NT5C1B: variants seen among roughly 807,000 people sequenced by gnomAD.
NT5C1B encodes the protein 5'-nucleotidase, cytosolic IB, also known as cytosolic 5'-nucleotidase 1B.
A neutral mutation model predicts 57.8 loss-of-function variants in NT5C1B; 44 were observed. That is an observed-to-expected ratio of 0.76 (90% CI 0.60 to 0.98). NT5C1B has a LOEUF of 0.98. NT5C1B is among the 50% of genes least tolerant of loss of function. The pLI is 0.00. For synonymous variants in NT5C1B, 284 were observed against 282.6 expected (o/e 1.00, Z -0.05); for missense variants, 742 against 719.5 (o/e 1.03, Z -0.36).
Position 18,576,701 on chromosome 2 carries a change from T to C in NT5C1B, c.1144+72A>G, listed in dbSNP as rs113647909. 6.1e-3 allele frequency: 9,677 copies of C among 1,586,794 alleles called. 59 individuals are homozygous for C. Among genetic ancestry groups the C allele is most frequent in the Non-Finnish European group, 6.7e-3 (7,831 of 1,170,290 alleles). Reference sequence around the variant, plus strand: ...CAAGACCATAAGCCTCATAATCATATGCGAAACTTAATGTAAGTCACCATT... The same window carrying C: ...CAAGACCATAAGCCTCATAATCATACGCGAAACTTAATGTAAGTCACCATT... On this transcript the variant is annotated intron_variant, in intron 7 of 8. Transcript: ENST00000304081.
At position 18,580,956 on chromosome 2, in the gene NT5C1B, C is replaced by T. The variant is rs188289346; in HGVS notation, c.1021+1912G>A. ...CTACTTGAGGGTGGAGGGTGGGAGG[C>T]GGATGAGGATTGAAAAACTACCTAT... is the stretch of plus-strand genomic sequence containing the variant. On this transcript the variant is annotated intron_variant, in intron 6 of 8. Coordinates refer to ENST00000304081, the Ensembl canonical transcript of NT5C1B. Among the ~76,000 whole-genome samples, 8 of 152,128 alleles carry T rather than the reference C, an allele frequency of 5.3e-5. No individual in the cohort carries two copies. The East Asian group carries it at 1.2e-3, about 22-fold the overall frequency.
At chr2:18,576,931 G>T (rs747249789) in intron 6 of NT5C1B, 36 bp from the exon 7 acceptor site, 2 of 1,609,236 alleles carry the variant, frequency 1.2e-6, no homozygotes, top group Admixed American at 1.7e-5. Context: ...TTATGACAGA[G>T]ATTAAAGACA....
At chr2:18,571,463 TG>T (rs1191709580) in intron 8 of NT5C1B, among the ~76,000 whole-genome samples, 1 of 151,622 alleles carries the variant, frequency 6.6e-6, no homozygotes, top group Admixed American at 6.6e-5. Context: ...ATGTAATATC[TG>T]TGTGCTAAAA....
intron 3 of NT5C1B, 127 bp downstream of exon 3, chr2:18,586,127 C>T (rs898470137): frequency 7.8e-6 from 11 of 1,415,170 alleles, no homozygotes; most frequent in Non-Finnish European, 1.0e-5. Flanking sequence ...AGGGAGTTCT[C>T]CCAAGGGCTA....
At chr2:18,586,655 C>A in intron 2 of NT5C1B, 1 of 589,930 alleles carries the variant, frequency 1.7e-6, no homozygotes, top group Non-Finnish European at 2.9e-6. Flanking sequence ...TTCACTGTGA[C>A]TCCTCTTATG....
rs1316511390 is a variant in NT5C1B at position 18,571,748 on chromosome 2, A to G, written c.1329+4436T>C. On this transcript the variant is annotated intron_variant, in intron 8 of 8. Coordinates refer to ENST00000304081, the Ensembl canonical transcript of NT5C1B. ...TATATATATATATATATATATATATATATATATATATATATATGTTAATTT... is the reference window on the plus strand; with the variant it reads ...TATATATATATATATATATATATATGTATATATATATATATATGTTAATTT... Among the ~76,000 whole-genome samples the G allele has an allele frequency of 1.8e-4, 15 of 83,532 alleles. 1 individual carries two copies. The highest frequency in any genetic ancestry group is 1.0e-3 in the African/African-American group (14 of 13,816). The allele number at this position is 83,532 out of a possible 152,430, so 54.8% of individuals were successfully genotyped here.
chr2:18,571,718 G>GTGTGTA (rs1246189018), intron 8 of NT5C1B, among the ~76,000 whole-genome samples: 17 of 111,456 alleles, frequency 1.5e-4, no homozygotes, highest in African/African-American at 3.5e-4. Flanking sequence ...CTGTGTGTGT[G>GTGTGTA]TATATATATA....
chr2:18,571,344 C>A (rs1199250142), intron 8 of NT5C1B, among the ~76,000 whole-genome samples: 1 of 151,966 alleles, frequency 6.6e-6, no homozygotes, highest in Admixed American at 6.6e-5. Context: ...ATACAAAAAC[C>A]AATTGTGATT....
At chr2:18,583,957 C>T (rs1443508339) in intron 5 of NT5C1B, 131 bp downstream of exon 5, 1 of 1,528,370 alleles carries the variant, frequency 6.5e-7, no homozygotes, top group Non-Finnish European at 9.0e-7. Flanking sequence ...CCTGGGTCAG[C>T]TAGAAGGAGA....
At chr2:18,573,960 A>G (rs1357441942) in intron 8 of NT5C1B, among the ~76,000 whole-genome samples, 3 of 152,262 alleles carry the variant, frequency 2.0e-5, no homozygotes, top group South Asian at 2.1e-4. Context: ...CAATTTAAGG[A>G]GCAAAATAAG....
intron 8 of NT5C1B, among the ~76,000 whole-genome samples, chr2:18,567,808 A>C (rs564820628): frequency 6.6e-6 from 1 of 152,312 alleles, no homozygotes; most frequent in South Asian, 2.1e-4. Flanking sequence ...CACAAATATA[A>C]CAGAGGGAAT....
intron 1 of NT5C1B, among the ~76,000 whole-genome samples, chr2:18,588,089 T>G (rs1666886906): frequency 6.6e-6 from 1 of 152,174 alleles, no homozygotes; most frequent in Non-Finnish European, 1.5e-5. Context: ...TCATACAAAT[T>G]TATTGAAAGT....
chr2:18,581,358 A>G (rs950380628), intron 6 of NT5C1B, among the ~76,000 whole-genome samples: 3 of 152,218 alleles, frequency 2.0e-5, no homozygotes, highest in Non-Finnish European at 4.4e-5. Flanking sequence ...AGGGTTATTT[A>G]TAAAAGCAAA....
At chr2:18,582,628 A>G (rs1463157225) in intron 6 of NT5C1B, among the ~76,000 whole-genome samples, 1 of 152,216 alleles carries the variant, frequency 6.6e-6, no homozygotes, top group Non-Finnish European at 1.5e-5. Flanking sequence ...ACCTAGGATT[A>G]AGACTTTGAA....
At chr2:18,583,305 T>A (rs1399776183) in intron 5 of NT5C1B, 1 of 199,848 alleles carries the variant, frequency 5.0e-6, no homozygotes, top group African/African-American at 2.3e-5. Flanking sequence ...TTATGCTTTG[T>A]CTATGTTTGA....
exon 9 of NT5C1B, chr2:18,564,071 A>T (rs773117280): frequency 6.2e-7 from 1 of 1,606,390 alleles, no homozygotes; most frequent in Non-Finnish European, 8.5e-7. Flanking sequence ...TTGGCATAGA[A>T]CTTCTTTTGC....
chr2:18,586,891 C>T, intron 2 of NT5C1B: 1 of 1,557,982 alleles, frequency 6.4e-7, no homozygotes, highest in Non-Finnish European at 8.7e-7. Context: ...ATGAAGGACC[C>T]CCCGGAACAG....
At chr2:18,589,213 T>C (rs1020119742) in intron 1 of NT5C1B, among the ~76,000 whole-genome samples, 5 of 152,240 alleles carry the variant, frequency 3.3e-5, no homozygotes, top group Non-Finnish European at 1.5e-5. Flanking sequence ...ATACTACACG[T>C]TTTTTAATCT....
intron 8 of NT5C1B, among the ~76,000 whole-genome samples, chr2:18,570,051 A>C (rs1297277054): frequency 2.0e-5 from 3 of 152,148 alleles, no homozygotes; most frequent in African/African-American, 7.2e-5. Context: ...CAATAGAAAG[A>C]TATCTGAATA....
Sources: gnomAD v4.1 joint callset for allele counts (sites outside exome capture counted in the v4.1 genomes callset) on GRCh38, gnomAD v4.1.1 for gene constraint, MANE v1.5 for transcripts, NCBI Gene and HGNC (gene_info 2026-07-23, HGNC 2026-07-21) for gene names.